Variants in NOP16 observed in about 807,000 individuals in gnomAD.
NOP16 encodes nucleolar protein 16.
NOP16 carries 14 observed loss-of-function variants against 22.7 expected under a neutral mutation model. That is an observed-to-expected ratio of 0.62 (90% CI 0.41 to 0.97). The LOEUF is 0.97. Among genes scored for constraint, NOP16 ranks in the 50% least tolerant of loss-of-function variants. NOP16 has a pLI of 0.00. For missense variants in NOP16, 198 were observed against 235.9 expected (o/e 0.84, Z 1.05); for synonymous variants, 80 against 83.6 (o/e 0.96, Z 0.23).
At position 176,388,249 on chromosome 5, in the gene NOP16, G is replaced by C. The variant is rs750097354; in HGVS notation, c.202C>G (p.Leu68Val). The change falls in exon 2 of 5, where the codon CTC (leucine) becomes GTC (valine). Residue 68 changes from leucine (L) to valine (V), a missense_variant. Coordinates refer to ENST00000614830, the MANE Select transcript of NOP16 (RefSeq NM_016391.8). ...CATGTCAGTACCTTTCTCTTACGGAGGGGCACCGCCCTGTTGGGGTCCACA... is the reference window on the plus strand; with the variant it reads ...CATGTCAGTACCTTTCTCTTACGGACGGGCACCGCCCTGTTGGGGTCCACA... ...LAVDPNRAVP[L>V]RKRKVKAMEV... The C allele has an allele frequency of 6.2e-6, 10 of 1,612,018 alleles. No individual in the cohort carries two copies. Among genetic ancestry groups the C allele is most frequent in the Non-Finnish European group, 8.5e-6 (10 of 1,178,172 alleles).
chr5:176,385,291 CCTTT>C lies in NOP16; in HGVS notation c.319_322del (p.Lys107GlufsTer16). Reference sequence around the variant, plus strand: ...AATGAGGTCCCGAGACAGAGTATTTCCTTTCTTTTCTGGAAGGCTGGCTTCTGCC... The same window carrying C: ...AATGAGGTCCCGAGACAGAGTATTTCCTTTTCTGGAAGGCTGGCTTCTGCC... On this transcript the variant is annotated frameshift_variant, in exon 4 of 5. Coordinates refer to ENST00000614830, the MANE Select transcript of NOP16 (RefSeq NM_016391.8). LOFTEE classifies it high-confidence loss of function. 6.2e-7 allele frequency: 1 copy of C among 1,613,078 alleles called. No homozygotes were observed.
At chr5:176,385,002 T>G in intron 4 of NOP16, 1 of 577,820 alleles carries the variant, frequency 1.7e-6, no homozygotes, top group Non-Finnish European at 3.1e-6. Flanking sequence ...GAGCAAAACA[T>G]TTATCTGTGA....
At chr5:176,384,588 G>A in intron 4 of NOP16, 1 of 572,232 alleles carries the variant, frequency 1.7e-6, no homozygotes, top group Non-Finnish European at 3.1e-6. Context: ...GGAGTTCCAG[G>A]CCACCCTGGG....
chr5:176,386,091 G>C (rs1755823899), intron 3 of NOP16: 1 of 152,780 alleles, frequency 6.5e-6, no homozygotes, highest in Non-Finnish European at 1.5e-5. Flanking sequence ...AAGGTTTTAG[G>C]GACCTGTTGC....
intron 3 of NOP16, 102 bp downstream of exon 3, chr5:176,386,738 A>G (rs2113590134): frequency 1.0e-6 from 1 of 1,001,524 alleles, no homozygotes; most frequent in Non-Finnish European, 1.6e-6. Flanking sequence ...CTCCCCTCTG[A>G]AACTTGGTTT....
Position 176,388,426 on chromosome 5 carries a change from C to T in NOP16, c.107+7G>A. On this transcript the variant is annotated splice_region_variant and intron_variant, in intron 1 of 4. Coordinates refer to ENST00000614830, the MANE Select transcript of NOP16 (RefSeq NM_016391.8). Reference sequence around the variant, plus strand: ...CCCACGGCCACCCGGAACCCCAGCCCCCTCACCATTCGATCCGCGGCGCTG... The same window carrying T: ...CCCACGGCCACCCGGAACCCCAGCCTCCTCACCATTCGATCCGCGGCGCTG... 6.2e-7 allele frequency: 1 copy of T among 1,614,058 alleles called. No individual in the cohort carries two copies. The highest frequency in any genetic ancestry group is 8.5e-7 in the Non-Finnish European group (1 of 1,179,892).
At chr5:176,385,519 C>T (rs1755773047) in intron 3 of NOP16, among the ~76,000 whole-genome samples, 192 bp from the exon 4 acceptor site, 2 of 152,216 alleles carry the variant, frequency 1.3e-5, no homozygotes, top group Admixed American at 6.5e-5. Flanking sequence ...CAGACTCTGT[C>T]TCCTATGACC....
At chr5:176,387,814 T>C (rs1361350852) in intron 2 of NOP16, among the ~76,000 whole-genome samples, 3 of 152,138 alleles carry the variant, frequency 2.0e-5, no homozygotes, top group African/African-American at 7.2e-5. Flanking sequence ...AGGTGGGATA[T>C]AGCTTGAACC....
Position 176,384,186 on chromosome 5 carries a change from G to A in NOP16, c.*45C>T. Reference sequence around the variant, plus strand: ...CTTACACCCTGGCTCCAGCTTCACTGGTCCGGGGGACGCCTCAGCCTGGGG... The same window carrying A: ...CTTACACCCTGGCTCCAGCTTCACTAGTCCGGGGGACGCCTCAGCCTGGGG... On this transcript the variant is annotated 3_prime_UTR_variant, in exon 5 of 5. Transcript: ENST00000614830. The A allele has an allele frequency of 1.2e-6, 2 of 1,614,112 alleles. No individual in the cohort carries two copies. Among genetic ancestry groups the A allele is most frequent in the Non-Finnish European group, 8.5e-7 (1 of 1,180,036 alleles).
At chr5:176,385,912 A>G (rs1236677616) in intron 3 of NOP16, 1 of 152,600 alleles carries the variant, frequency 6.6e-6, no homozygotes, top group Non-Finnish European at 1.5e-5. Context: ...TCATCTAGAA[A>G]GAGAGAGAAA....
chr5:176,385,417 A>G, intron 3 of NOP16, 90 bp from the exon 4 acceptor site: 1 of 787,470 alleles, frequency 1.3e-6, no homozygotes. Context: ...ACCCACTCCC[A>G]AGCCACAAGA....
At chr5:176,386,984 A>C in intron 2 of NOP16, 75 bp from the exon 3 acceptor site, 6 of 1,270,736 alleles carry the variant, frequency 4.7e-6, no homozygotes, top group Non-Finnish European at 6.9e-6. Flanking sequence ...TTATCCCAAC[A>C]CAACTACTAA....
chr5:176,386,704 T>C (rs763529779), intron 3 of NOP16, 136 bp downstream of exon 3: 31 of 792,112 alleles, frequency 3.9e-5, no homozygotes, highest in Admixed American at 3.1e-4. Context: ...GTCCTAACTC[T>C]GTGAACTTTG....
chr5:176,386,939 A>T (rs368694681), intron 2 of NOP16, 30 bp from the exon 3 acceptor site: 29 of 1,600,644 alleles, frequency 1.8e-5, no homozygotes, highest in Non-Finnish European at 2.5e-5. Context: ...TGAGACCAGA[A>T]GGATCTTTGA....
At chr5:176,386,433 C>A (rs1379680989) in intron 3 of NOP16, 1 of 302,054 alleles carries the variant, frequency 3.3e-6, no homozygotes, top group Non-Finnish European at 6.6e-6. Context: ...TTACTCTCCT[C>A]CGTTTTAGCG....
In NOP16 at chr5:176,387,451, C is replaced by A. The variant is rs576230809; in HGVS notation, c.217-542G>T. Among the ~76,000 whole-genome samples, 8 of 152,328 alleles carry A rather than the reference C, an allele frequency of 5.3e-5. No individual in the cohort carries two copies. In the South Asian group the frequency reaches 6.2e-4, roughly 12 times the overall value. On this transcript the variant is annotated intron_variant, in intron 2 of 4. Coordinates refer to ENST00000614830, the MANE Select transcript of NOP16 (RefSeq NM_016391.8). ...TAGTTAACCTAATGAATGGGCTTCG[C>A]GAATGAATTTGTTCCATTGCCTTAG... is the stretch of plus-strand genomic sequence containing the variant.
intron 2 of NOP16, 106 bp from the exon 3 acceptor site, chr5:176,387,015 C>T (rs560107452): frequency 7.3e-5 from 69 of 944,410 alleles, no homozygotes; most frequent in Admixed American, 1.1e-4. Flanking sequence ...TCCCTGCCCA[C>T]GGTTAGGTAG....
At chr5:176,385,402 C>G in intron 3 of NOP16, 75 bp from the exon 4 acceptor site, 1 of 873,148 alleles carries the variant, frequency 1.1e-6, no homozygotes, top group Admixed American at 1.8e-5. Flanking sequence ...TCCAATCACC[C>G]CTTCACCCAC....
chr5:176,385,657 G>C (rs1192560101), intron 3 of NOP16, among the ~76,000 whole-genome samples: 1 of 152,200 alleles, frequency 6.6e-6, no homozygotes, highest in Non-Finnish European at 1.5e-5. Flanking sequence ...CAGAGATGAA[G>C]GCACATACCT....
Sources: allele counts gnomAD v4.1 joint callset (sites outside exome capture counted in the v4.1 genomes callset), GRCh38; gene constraint gnomAD v4.1.1; transcripts MANE v1.5; gene names NCBI Gene and HGNC (gene_info 2026-07-23, HGNC 2026-07-21).